Variants in XYLB observed in about 807,000 individuals in gnomAD.
XYLB encodes the protein xylulokinase.
A neutral mutation model predicts 78.7 loss-of-function variants in XYLB; 62 were observed. The ratio of observed to expected loss-of-function variants is 0.79; its 90% confidence interval spans 0.64 to 0.97. The LOEUF (loss-of-function observed/expected upper bound fraction) is 0.97. XYLB is among the 50% of genes least tolerant of loss of function. XYLB has a pLI of 0.00. For missense variants in XYLB, 687 were observed against 676.8 expected (o/e 1.02, Z -0.17); for synonymous variants, 245 against 247.4 (o/e 0.99, Z 0.09).
chr3:38,449,897 C>A, the XYLB span, among the ~76,000 whole-genome samples: 8 of 152,286 alleles, frequency 5.3e-5, no homozygotes, highest in African/African-American at 1.9e-4. Context: ...GCTTTCTACC[C>A]AAGCCAATTC....
intron 18 of XYLB, among the ~76,000 whole-genome samples, chr3:38,411,997 T>C (rs80216722): frequency 1.3e-4 from 19 of 151,536 alleles, no homozygotes; most frequent in Middle Eastern, 3.4e-3. Flanking sequence ...TTTTTTTTTT[T>C]TTCTTTTTTT....
At chr3:38,439,138 G>T in the XYLB span, among the ~76,000 whole-genome samples, 12 of 152,184 alleles carry the variant, frequency 7.9e-5, no homozygotes, top group Non-Finnish European at 1.2e-4. Flanking sequence ...CCCAGCTGCT[G>T]TTGGAAATTG....
At chr3:38,421,201 T>G (rs1321344368), downstream of XYLB, 1 of 152,456 alleles carries the variant, frequency 6.6e-6, no homozygotes, top group East Asian at 1.9e-4. Flanking sequence ...GTGTCTGTCT[T>G]AATTACTGTA....
chr3:38,441,844 G>A, the XYLB span, among the ~76,000 whole-genome samples: 2 of 152,170 alleles, frequency 1.3e-5, no homozygotes, highest in South Asian at 2.1e-4. Flanking sequence ...GTTGTCCCAC[G>A]AGTCTGAGTA....
At chr3:38,374,365 G>A in intron 10 of XYLB, 97 bp from the exon 11 acceptor site, 4 of 1,568,068 alleles carry the variant, frequency 2.6e-6, no homozygotes, top group Non-Finnish European at 3.5e-6. Flanking sequence ...GTGGGGGTTG[G>A]AGGTGGGGGC....
chr3:38,412,418 CTG>C (rs1466239515), intron 18 of XYLB, among the ~76,000 whole-genome samples: 2 of 152,154 alleles, frequency 1.3e-5, no homozygotes, highest in Admixed American at 1.3e-4. Flanking sequence ...CCTCCTGCCA[CTG>C]TGTTTCTCCA....
chr3:38,356,566 A>G (rs1705670036), intron 2 of XYLB: 3 of 152,214 alleles, frequency 2.0e-5, no homozygotes, highest in Non-Finnish European at 2.9e-5. Context: ...TTTACTTAGC[A>G]TAATGCTTTC....
At chr3:38,435,735 A>G in the XYLB span, among the ~76,000 whole-genome samples, 1 of 152,228 alleles carries the variant, frequency 6.6e-6, no homozygotes, top group East Asian at 1.9e-4. Flanking sequence ...TCAAATTCAT[A>G]TCAAGTATCT....
In XYLB at chr3:38,348,588, C is replaced by A; in HGVS notation, c.96C>A (p.Phe32Leu). The A allele has an allele frequency of 1.9e-6, 3 of 1,614,170 alleles. No homozygotes were observed. Among genetic ancestry groups the A allele is most frequent in the Non-Finnish European group, 2.5e-6 (3 of 1,180,034 alleles). The change falls in exon 2 of 19, where the codon TTC becomes TTA. Residue 32 changes from phenylalanine (F) to leucine (L), a missense_variant. Physicochemically the swap from Phe to Leu is conservative, Grantham distance 22. Coordinates refer to ENST00000207870, the MANE Select transcript of XYLB (RefSeq NM_005108.4). ...CTGTTGATGCAGAGTTGAATGTCTT[C>A]TATGAGGAAAGTGTGCATTTTGACA... ...VVAVDAELNV[F>L]YEESVHFDRD...
At chr3:38,447,527 C>T in the XYLB span, among the ~76,000 whole-genome samples, 1 of 147,818 alleles carries the variant, frequency 6.8e-6, no homozygotes, top group African/African-American at 2.5e-5. Context: ...TATGTTGGTC[C>T]AGGATGGTCT....
At chr3:38,440,022 C>T in the XYLB span, among the ~76,000 whole-genome samples, 6 of 152,148 alleles carry the variant, frequency 3.9e-5, no homozygotes, top group African/African-American at 1.2e-4. Context: ...TCTGAGAAAT[C>T]CTTTGAGAGT....
the XYLB span, among the ~76,000 whole-genome samples, chr3:38,444,807 C>A: frequency 6.6e-6 from 1 of 151,752 alleles, no homozygotes; most frequent in Admixed American, 6.6e-5. Flanking sequence ...TGCCCCCCCA[C>A]CCCTGGCCTG....
At chr3:38,367,882 C>T (rs143215029) in intron 7 of XYLB, among the ~76,000 whole-genome samples, 155 of 152,252 alleles carry the variant, frequency 1.0e-3, no homozygotes, top group African/African-American at 2.3e-3. Context: ...ATGTGGATTC[C>T]GGATGGAAAT....
At chr3:38,402,462 A>G (rs1708158255) in intron 18 of XYLB, among the ~76,000 whole-genome samples, 1 of 152,180 alleles carries the variant, frequency 6.6e-6, no homozygotes, top group East Asian at 1.9e-4. Flanking sequence ...AACCACACAC[A>G]TAGGTGTGCC....
At chr3:38,448,390 C>T in the XYLB span, among the ~76,000 whole-genome samples, 2 of 152,142 alleles carry the variant, frequency 1.3e-5, no homozygotes, top group South Asian at 4.1e-4. Flanking sequence ...ATTACTTGAA[C>T]AATACACATT....
chr3:38,435,884 A>G, the XYLB span, among the ~76,000 whole-genome samples: 1 of 152,180 alleles, frequency 6.6e-6, no homozygotes, highest in African/African-American at 2.4e-5. Context: ...ATAAAAAAAA[A>G]TTCTTTAAGG....
chr3:38,361,206 A>T (rs998802003), intron 3 of XYLB, among the ~76,000 whole-genome samples: 1 of 152,204 alleles, frequency 6.6e-6, no homozygotes, highest in Non-Finnish European at 1.5e-5. Context: ...GGAAAGGAGA[A>T]TGCCTGTAGC....
chr3:38,431,149 A>G, the XYLB span, among the ~76,000 whole-genome samples: 1 of 152,118 alleles, frequency 6.6e-6, no homozygotes, highest in South Asian at 2.1e-4. Context: ...CTTGGGCAGT[A>G]TGGCCATTTT....
downstream of XYLB, among the ~76,000 whole-genome samples, chr3:38,418,194 C>CAAAA (rs56163697): frequency 9.4e-6 from 1 of 106,832 alleles, no homozygotes; most frequent in Non-Finnish European, 1.8e-5. Context: ...GACTCTGTCT[C>CAAAA]AAAAAAAAAA....
Sources: gnomAD v4.1 joint callset for allele counts (sites outside exome capture counted in the v4.1 genomes callset) on GRCh38, gnomAD v4.1.1 for gene constraint, MANE v1.5 for transcripts, NCBI Gene and HGNC (gene_info 2026-07-23, HGNC 2026-07-21) for gene names.